The following ENOSF1 variants were observed in gnomAD, a reference collection of about 807,000 sequenced individuals.
ENOSF1 encodes the protein enolase superfamily member 1.
A neutral mutation model predicts 68.2 loss-of-function variants in ENOSF1; 73 were observed. The observed-to-expected ratio is 1.07, with a 90% CI of 0.89 to 1.30. The LOEUF is 1.30. ENOSF1 is among the 50% of genes most tolerant of loss of function. The pLI is 0.00. For synonymous variants in ENOSF1, 223 were observed against 210.4 expected (o/e 1.06, Z -0.52); for missense variants, 589 against 554.5 (o/e 1.06, Z -0.62).
In ENOSF1 at chr18:691,296, G is replaced by T. The variant is rs1442063300; in HGVS notation, c.424-20C>A. ...GGGATCCTGGCAACGTGACAGGAGG[G>T]GAAGAGGCCTGAATCAATTATAAGG... is the stretch of plus-strand genomic sequence containing the variant. On this transcript the variant is annotated intron_variant, in intron 5 of 15. Coordinates refer to ENST00000647584, the MANE Select transcript of ENOSF1 (RefSeq NM_017512.7). The T allele has an allele frequency of 1.9e-6, 3 of 1,596,922 alleles. No individual in the cohort carries two copies. The highest frequency in any genetic ancestry group is 2.6e-6 in the Non-Finnish European group (3 of 1,166,806).
chr18:675,602 G>C (rs1185677251), intron 14 of ENOSF1, 200 bp from the exon 15 acceptor site: 1 of 575,038 alleles, frequency 1.7e-6, no homozygotes, highest in African/African-American at 1.9e-5. Context: ...AATGTGAGGT[G>C]GGGACTTTGA....
At chr18:702,057 A>T (rs1284441948) in intron 2 of ENOSF1, among the ~76,000 whole-genome samples, 2 of 151,872 alleles carry the variant, frequency 1.3e-5, no homozygotes, top group African/African-American at 2.4e-5. Context: ...TGAGCTCAGG[A>T]GTTCAAGACC....
At chr18:707,513 C>T (rs1163836694) in intron 1 of ENOSF1, 1 of 152,156 alleles carries the variant, frequency 6.6e-6, no homozygotes, top group South Asian at 2.1e-4. Flanking sequence ...AAAGTTCAGA[C>T]ACCAGTGGGG....
At chr18:693,030 G>T in intron 5 of ENOSF1, 1 of 1,258,652 alleles carries the variant, frequency 7.9e-7, no homozygotes, top group African/African-American at 1.5e-5. Context: ...GGCCACCGCA[G>T]CTCAGAGTGG....
chr18:683,415 C>G (rs926368246), intron 10 of ENOSF1, 35 bp from the exon 11 acceptor site: 1 of 1,610,458 alleles, frequency 6.2e-7, no homozygotes, highest in Non-Finnish European at 8.5e-7. Context: ...GAGGTCAGCC[C>G]TGAGCCAACC....
At chr18:666,966 TGGTGATGGA>T (rs1567989654), downstream of ENOSF1, among the ~76,000 whole-genome samples, 3 of 11,780 alleles carry the variant, frequency 2.5e-4, 1 homozygote, top group South Asian at 7.7e-3. Flanking sequence ...GAGATGGAGA[TGGTGATGGA>T]GATGGAGATG....
At chr18:697,412 C>T in intron 2 of ENOSF1, 57 bp from the exon 3 acceptor site, 1 of 1,213,266 alleles carries the variant, frequency 8.2e-7, no homozygotes, top group Non-Finnish European at 1.2e-6. Context: ...AAGAAATTAG[C>T]ACCTGAAAAC....
chr18:706,819 T>A (rs368123872), intron 1 of ENOSF1: 2,974 of 93,534 alleles, frequency 0.032, 92 homozygotes, highest in African/African-American at 0.12. Context: ...ATATATATTT[T>A]TTTTTTTTTT....
Position 672,991 on chromosome 18 carries a change from T to A in ENOSF1, c.*1314A>T, listed in dbSNP as rs983875481. 2 of 1,562,108 alleles carry A rather than the reference T, an allele frequency of 1.3e-6. No homozygotes were observed. Among genetic ancestry groups the A allele is most frequent in the African/African-American group, 2.7e-5 (2 of 74,252 alleles). On this transcript the variant is annotated 3_prime_UTR_variant, in exon 16 of 16. Transcript: ENST00000647584. ...ATCCAACTATTAAAATGGAAATGGC[T>A]GTTTAGGGTGCTTTCAAAGGAGCTC...
intron 14 of ENOSF1, 33 bp downstream of exon 14, chr18:677,312 T>A (rs770180681): frequency 1.1e-5 from 17 of 1,577,728 alleles, no homozygotes; most frequent in Non-Finnish European, 1.5e-5. Flanking sequence ...GGGACCCTAC[T>A]GAAACAGAAA....
intron 10 of ENOSF1, among the ~76,000 whole-genome samples, chr18:683,688 T>C (rs1304994925): frequency 6.6e-6 from 1 of 152,108 alleles, no homozygotes; most frequent in Non-Finnish European, 1.5e-5. Context: ...TCTGGTCCAA[T>C]CTCCATCTAG....
At chr18:666,205 A>T (rs2074812372), downstream of ENOSF1, among the ~76,000 whole-genome samples, 1 of 150,786 alleles carries the variant, frequency 6.6e-6, no homozygotes, top group Non-Finnish European at 1.5e-5. Flanking sequence ...CACTTTCCAT[A>T]CTGTGTCATC....
At chr18:689,286 TTTG>T (rs1265196369) in intron 8 of ENOSF1, among the ~76,000 whole-genome samples, 2 of 152,076 alleles carry the variant, frequency 1.3e-5, no homozygotes, top group African/African-American at 4.8e-5. Context: ...AAATAATTTT[TTTG>T]TTGTTTTTTG....
In ENOSF1 at chr18:683,281, G is replaced by A; in HGVS notation, c.841C>T (p.Pro281Ser). The A allele has an allele frequency of 6.2e-7, 1 of 1,614,022 alleles. No individual in the cohort carries two copies. ...KPLWIEEPTS[P>S]DDILGHATIS... is the part of the protein sequence containing the mutation. ...GTGGCGTGCCCCAGAATGTCATCAG[G>A]GGAGGTTGGCTCCTCAATCCACAAT... Residue 281 changes from proline to serine, a missense_variant, in exon 11 of 16, where the codon CCT (proline) becomes TCT (serine). Physicochemically the swap from Pro to Ser is moderately conservative, Grantham distance 74. Coordinates refer to ENST00000647584, the MANE Select transcript of ENOSF1 (RefSeq NM_017512.7).
At chr18:686,074 T>A in intron 9 of ENOSF1, 66 bp from the exon 10 acceptor site, 1 of 1,098,458 alleles carries the variant, frequency 9.1e-7, no homozygotes, top group Non-Finnish European at 1.4e-6. Flanking sequence ...ATCTGGAGTT[T>A]CTGCAGAAGT....
chr18:698,143 G>A (rs1598739159), intron 2 of ENOSF1, among the ~76,000 whole-genome samples: 1 of 152,214 alleles, frequency 6.6e-6, no homozygotes, highest in African/African-American at 2.4e-5. Context: ...AGTAGAACAC[G>A]TGTTAATCCA....
At chr18:710,422 C>CT (rs2079388005) in intron 1 of ENOSF1, among the ~76,000 whole-genome samples, 1 of 152,110 alleles carries the variant, frequency 6.6e-6, no homozygotes, top group Non-Finnish European at 1.5e-5. Context: ...ACCAGGCTGT[C>CT]TTAACATTTC....
In ENOSF1 at chr18:678,679, T is replaced by G. The variant is rs894029261; in HGVS notation, c.918+17A>C. Reference sequence around the variant, plus strand: ...ACCCCAAGGGGACGTCATCCACCTGTTGGGGGCGTCACTCACCTGTTCTCC... The same window carrying G: ...ACCCCAAGGGGACGTCATCCACCTGGTGGGGGCGTCACTCACCTGTTCTCC... On this transcript the variant is annotated intron_variant, in intron 12 of 15. Transcript: ENST00000647584. 6.2e-7 allele frequency: 1 copy of G among 1,613,442 alleles called. No homozygotes were observed. Among genetic ancestry groups the G allele is most frequent in the Non-Finnish European group, 8.5e-7 (1 of 1,179,810 alleles).
intron 2 of ENOSF1, among the ~76,000 whole-genome samples, chr18:703,633 T>C (rs1018112838): frequency 6.6e-6 from 1 of 152,190 alleles, no homozygotes; most frequent in African/African-American, 2.4e-5. Flanking sequence ...GCATGGTCTT[T>C]CTCTGCCTGG....
Sources: allele counts gnomAD v4.1 joint callset (sites outside exome capture counted in the v4.1 genomes callset), GRCh38; gene constraint gnomAD v4.1.1; transcripts MANE v1.5; gene names NCBI Gene and HGNC (gene_info 2026-07-23, HGNC 2026-07-21).